The following NOL11 variants were observed in gnomAD, a reference collection of about 807,000 sequenced individuals.
NOL11 encodes nucleolar protein 11.
A neutral mutation model predicts 93.0 loss-of-function variants in NOL11; 42 were observed. The observed-to-expected ratio is 0.45, with a 90% CI of 0.35 to 0.58. NOL11 has a LOEUF of 0.58. Among genes scored for constraint, NOL11 ranks in the 20% least tolerant of loss-of-function variants. NOL11 has a pLI of 0.00. For synonymous variants in NOL11, 296 were observed against 293.7 expected, an observed-to-expected ratio of 1.01 and a Z score of -0.08; for missense variants, 775 against 841.8, an observed-to-expected ratio of 0.92 and a Z score of 0.98.
chr17:67,735,888 C>CT lies in NOL11; in HGVS notation c.931-5dup, dbSNP rs754605827. 2.5e-6 allele frequency: 4 copies of CT among 1,596,948 alleles called. No individual in the cohort carries two copies. The highest frequency in any genetic ancestry group is 2.3e-5 in the South Asian group (2 of 87,912). On this transcript the variant is annotated splice_polypyrimidine_tract_variant and intron_variant, in intron 8 of 17. Transcript: ENST00000253247. ...AAAAATTTGCTTATGTTTTTGATAA[C>CT]TTTTTTTGTAGCTCTGGTATTATGG...
Position 67,726,475 on chromosome 17 carries a change from T to C in NOL11, c.680T>C (p.Ile227Thr), listed in dbSNP as rs2055094475. The stretch of plus-strand genomic sequence containing the variant: ...TTTCCAACAGGCTCTGATGGTTGTA[T>C]ATATGAAACCTTGATACCAATACGT... ...SLMSLSSDGC[I>T]YETLIPIRPA... The change falls in exon 7 of 18, where the codon ATA (isoleucine) becomes ACA (threonine). Residue 227 changes from isoleucine to threonine, a missense_variant. By Grantham distance (89) the Ile-to-Thr change is moderately conservative. Coordinates refer to ENST00000253247, the MANE Select transcript of NOL11 (RefSeq NM_015462.5). 6.2e-7 allele frequency: 1 copy of C among 1,611,748 alleles called. No homozygotes were observed. Among genetic ancestry groups the C allele is most frequent in the African/African-American group, 1.3e-5 (1 of 74,822 alleles).
intron 14 of NOL11, 38 bp downstream of exon 14, chr17:67,738,393 A>AT (rs1195436222): frequency 2.9e-6 from 4 of 1,388,790 alleles, no homozygotes; most frequent in Non-Finnish European, 4.0e-6. Context: ...GTTTCTCTTT[A>AT]TAGGATATAG....
chr17:67,718,213 T>A (rs1407456709), intron 1 of NOL11, 125 bp downstream of exon 1: 2 of 1,293,704 alleles, frequency 1.5e-6, no homozygotes, highest in African/African-American at 3.0e-5. Context: ...GAGAGCCGGC[T>A]GGGCCTGTTG....
At position 67,720,826 on chromosome 17, in the gene NOL11, T is replaced by A. The variant is rs568368076; in HGVS notation, c.313-552T>A. ...GCTCACAATAGGGTTAATTCAGATATAATGCAGTTGTTGCCTGGATCCTTG... is the reference window on the plus strand; with the variant it reads ...GCTCACAATAGGGTTAATTCAGATAAAATGCAGTTGTTGCCTGGATCCTTG... On this transcript the variant is annotated intron_variant, in intron 3 of 17. Transcript: ENST00000253247. Among the ~76,000 whole-genome samples, 7 of 152,368 alleles carry A rather than the reference T, an allele frequency of 4.6e-5. No individual in the cohort carries two copies. The South Asian group carries it at 1.4e-3, about 32-fold the overall frequency.
chr17:67,742,267 C>G (rs2055263429), intron 16 of NOL11, among the ~76,000 whole-genome samples: 1 of 152,094 alleles, frequency 6.6e-6, no homozygotes, highest in Admixed American at 6.6e-5. Context: ...CAGGTGTTAC[C>G]TCATTTTAAT....
At chr17:67,731,018 C>CT (rs988776968) in intron 7 of NOL11, among the ~76,000 whole-genome samples, 2 of 152,176 alleles carry the variant, frequency 1.3e-5, no homozygotes, top group African/African-American at 2.4e-5. Flanking sequence ...TCCCTAATGA[C>CT]TAAGTGTGTT....
chr17:67,719,554 C>T (rs1394415937), intron 1 of NOL11, 120 bp from the exon 2 acceptor site: 5 of 577,940 alleles, frequency 8.7e-6, no homozygotes, highest in South Asian at 2.2e-5. Context: ...CCACTGCCCT[C>T]GGCCAGTAAA....
intron 7 of NOL11, among the ~76,000 whole-genome samples, chr17:67,730,346 C>T (rs952005364): frequency 1.3e-5 from 2 of 152,150 alleles, no homozygotes; most frequent in African/African-American, 2.4e-5. Flanking sequence ...CTGCAAGCTC[C>T]GCCTCTCGGG....
chr17:67,730,582 G>A (rs1352377519), intron 7 of NOL11, among the ~76,000 whole-genome samples: 1 of 152,148 alleles, frequency 6.6e-6, no homozygotes, highest in Non-Finnish European at 1.5e-5. Context: ...TTAATTCTTT[G>A]GGATATACAC....
chr17:67,724,038 T>C lies in NOL11; in HGVS notation c.520-11T>C. The C allele has an allele frequency of 1.3e-6, 2 of 1,526,596 alleles. No individual in the cohort carries two copies. The highest frequency in any genetic ancestry group is 1.8e-6 in the Non-Finnish European group (2 of 1,140,972). The allele number at this position is 1,526,596 out of a possible 1,614,324, so 94.6% of individuals were successfully genotyped here. On this transcript the variant is annotated splice_polypyrimidine_tract_variant and intron_variant, in intron 5 of 17. Coordinates refer to ENST00000253247, the MANE Select transcript of NOL11 (RefSeq NM_015462.5). ...TGGGAATATTTATAAAATAACCTTT[T>C]TTTTTTGCAGCATGGAAATTACTTT... is the stretch of plus-strand genomic sequence containing the variant.
chr17:67,725,063 CAACAA>C (rs759573299), intron 6 of NOL11, among the ~76,000 whole-genome samples: 5 of 151,964 alleles, frequency 3.3e-5, no homozygotes, highest in Non-Finnish European at 5.9e-5. Flanking sequence ...AGACTCGTCT[CAACAA>C]AACAAAACAA....
rs2055063504 is a variant in NOL11 at position 67,724,105 on chromosome 17, T to C, written c.576T>C (p.Tyr192=). ...TTAACTCACGTATCTTAACCAAATATACACTCTTACTTGGACAAGACGAAA... is the reference window on the plus strand; with the variant it reads ...TTAACTCACGTATCTTAACCAAATACACACTCTTACTTGGACAAGACGAAA... ...QMFNSRILTK[Y]TLLLGQDENS... Residue 192 remains tyrosine, a synonymous_variant, in exon 6 of 18, where the codon TAT becomes TAC. Coordinates refer to ENST00000253247, the MANE Select transcript of NOL11 (RefSeq NM_015462.5). The C allele has an allele frequency of 3.1e-6, 5 of 1,588,506 alleles. No homozygotes were observed. Among genetic ancestry groups the C allele is most frequent in the Non-Finnish European group, 3.4e-6 (4 of 1,166,698 alleles).
At chr17:67,722,781 T>A (rs1035642641) in intron 5 of NOL11, 144 bp downstream of exon 5, 25 of 1,177,786 alleles carry the variant, frequency 2.1e-5, no homozygotes, top group Non-Finnish European at 2.8e-5. Context: ...ACCTCCTGGC[T>A]CAAGCAGTCC....
At position 67,740,900 on chromosome 17, in the gene NOL11, CTT is replaced by C. The variant is rs34886243; in HGVS notation, c.1935+1302_1935+1303del. 1.3e-4 allele frequency: 20 copies of C among 150,804 alleles called. No individual in the cohort carries two copies. In the Middle Eastern group the frequency reaches 2.3e-3, roughly 17 times the overall value. The allele number at this position is 150,804 out of a possible 1,614,324, so 9.3% of individuals were successfully genotyped here. On this transcript the variant is annotated intron_variant, in intron 16 of 17. Transcript: ENST00000253247. The stretch of plus-strand genomic sequence containing the variant: ...CTATTCTTCATATAAAAAATAACTT[CTT>C]TTTTTTTTTCCTTTTCAAGAAGGCA...
chr17:67,733,825 C>G (rs1430947801), intron 7 of NOL11, among the ~76,000 whole-genome samples: 1 of 152,116 alleles, frequency 6.6e-6, no homozygotes, highest in Non-Finnish European at 1.5e-5. Context: ...GTTAACTACC[C>G]TTTCATCCCT....
intron 7 of NOL11, among the ~76,000 whole-genome samples, 171 bp from the exon 8 acceptor site, chr17:67,734,192 T>G (rs1220348732): frequency 5.3e-5 from 8 of 152,184 alleles, no homozygotes; most frequent in Non-Finnish European, 1.0e-4. Context: ...TTTCCAGGCT[T>G]CTTCTTACCA....
chr17:67,739,933 T>C (rs935337859), intron 16 of NOL11, among the ~76,000 whole-genome samples: 1 of 152,124 alleles, frequency 6.6e-6, no homozygotes, highest in African/African-American at 2.4e-5. Context: ...CCCTTAATCA[T>C]CTCTTAAGAA....
intron 3 of NOL11, among the ~76,000 whole-genome samples, chr17:67,720,910 A>C (rs2043213047): frequency 6.6e-6 from 1 of 152,194 alleles, no homozygotes; most frequent in South Asian, 2.1e-4. Context: ...TTTACCTTGA[A>C]ATTCATAACA....
intron 7 of NOL11, among the ~76,000 whole-genome samples, chr17:67,727,858 T>G (rs1399246264): frequency 6.9e-6 from 1 of 144,804 alleles, no homozygotes; most frequent in African/African-American, 2.6e-5. Context: ...AAGGTGGAGG[T>G]TGCAGTGAGC....
Sources: allele counts gnomAD v4.1 joint callset (sites outside exome capture counted in the v4.1 genomes callset), GRCh38; gene constraint gnomAD v4.1.1; transcripts MANE v1.5; gene names NCBI Gene and HGNC (gene_info 2026-07-23, HGNC 2026-07-21).